Variants in EPM2A observed in about 807,000 individuals in gnomAD.
The protein encoded by EPM2A is EPM2A glucan phosphatase, laforin, also known as laforin.
EPM2A carries 21 observed loss-of-function variants against 26.5 expected under a neutral mutation model. The ratio of observed to expected loss-of-function variants is 0.79; its 90% confidence interval spans 0.56 to 1.14. EPM2A has a LOEUF of 1.14. EPM2A is among the 50% of genes most tolerant of loss of function. The pLI, the probability that EPM2A is intolerant of heterozygous loss-of-function variation, is 0.00. For synonymous variants in EPM2A, 217 were observed against 177.6 expected, an observed-to-expected ratio of 1.22 and a Z score of -1.76; for missense variants, 458 against 440.8, an observed-to-expected ratio of 1.04 and a Z score of -0.35.
intron 4 of EPM2A, among the ~76,000 whole-genome samples, chr6:145,439,299 G>T (rs574441204): frequency 2.6e-5 from 4 of 152,248 alleles, no homozygotes; most frequent in African/African-American, 9.6e-5. Flanking sequence ...TATGGAAGAA[G>T]AATTTATATC....
chr6:145,608,071 T>C (rs1775304342), intron 2 of EPM2A, among the ~76,000 whole-genome samples: 2 of 152,206 alleles, frequency 1.3e-5, no homozygotes, highest in South Asian at 4.1e-4. Context: ...TAATCATCTA[T>C]GGTCCCAAAA....
At chr6:145,483,766 G>T (rs1236309776) in intron 4 of EPM2A, among the ~76,000 whole-genome samples, 1 of 152,088 alleles carries the variant, frequency 6.6e-6, no homozygotes, top group Non-Finnish European at 1.5e-5. Context: ...TCTTTGTTTT[G>T]TACCCAATTT....
Position 145,680,642 on chromosome 6 carries a change from T to C in EPM2A, c.476+5480A>G, listed in dbSNP as rs186714742. Among the ~76,000 whole-genome samples, 771 of 141,700 alleles carry C rather than the reference T, an allele frequency of 5.4e-3. 4 individuals are homozygous for C. Among genetic ancestry groups the C allele is most frequent in the African/African-American group, 0.019 (751 of 39,880 alleles). 93.0% of individuals were successfully genotyped at this position (141,700 alleles called of 152,430 possible). ...CACCTATGAGTGAGAACATGTGGTGTTTGGTTTTTTGTCCTTGTGATACTT... is the reference window on the plus strand; with the variant it reads ...CACCTATGAGTGAGAACATGTGGTGCTTGGTTTTTTGTCCTTGTGATACTT... On this transcript the variant is annotated intron_variant, in intron 2 of 3. Coordinates refer to ENST00000367519, the MANE Select transcript of EPM2A (RefSeq NM_005670.4).
chr6:145,536,431 C>T (rs1310100268), intron 2 of EPM2A, among the ~76,000 whole-genome samples: 1 of 151,894 alleles, frequency 6.6e-6, no homozygotes, highest in African/African-American at 2.4e-5. Context: ...GAGTAGCTGG[C>T]ATTACAGGCC....
At position 145,585,889 on chromosome 6, in the gene EPM2A, C is replaced by T. The variant is rs183106327; in HGVS notation, c.340+49356G>A. Among the ~76,000 whole-genome samples, 31 of 152,296 alleles carry T rather than the reference C, an allele frequency of 2.0e-4. 1 individual carries two copies. Among genetic ancestry groups the T allele is most frequent in the African/African-American group, 6.0e-4 (25 of 41,542 alleles). On this transcript the variant is annotated intron_variant, in intron 2 of 3. Coordinates refer to the EPM2A transcript ENST00000450221. ...TTGTTCCCGACGCAAAACCCTTCTA[C>T]GTATTTATCCAATTTTTCATGAATT...
intron 2 of EPM2A, among the ~76,000 whole-genome samples, chr6:145,511,438 G>A (rs911587658): frequency 6.6e-6 from 1 of 152,146 alleles, no homozygotes; most frequent in Admixed American, 6.5e-5. Context: ...TGGGGTGCAA[G>A]GATGATTCAA....
At chr6:145,551,543 A>C (rs1328973450) in intron 2 of EPM2A, among the ~76,000 whole-genome samples, 4 of 152,122 alleles carry the variant, frequency 2.6e-5, no homozygotes, top group Admixed American at 6.6e-5. Context: ...TACTCTGAGG[A>C]TCTGAGACCT....
At chr6:145,387,343 C>A (rs1319574757) in intron 4 of EPM2A, among the ~76,000 whole-genome samples, 3 of 152,180 alleles carry the variant, frequency 2.0e-5, no homozygotes, top group Admixed American at 2.0e-4. Flanking sequence ...CTTCTTCAGA[C>A]ATCCTCAACA....
intron 2 of EPM2A, among the ~76,000 whole-genome samples, chr6:145,534,516 A>G (rs1202407137): frequency 1.3e-5 from 2 of 152,222 alleles, no homozygotes; most frequent in African/African-American, 2.4e-5. Flanking sequence ...TAAATCAGGA[A>G]CACAAAGCCT....
intron 2 of EPM2A, among the ~76,000 whole-genome samples, chr6:145,649,527 T>A (rs1777724837): frequency 6.6e-6 from 1 of 152,170 alleles, no homozygotes; most frequent in Non-Finnish European, 1.5e-5. Flanking sequence ...ACGTCAAAAA[T>A]ATGTTTGACC....
chr6:145,428,750 A>AAG (rs1186255038), intron 4 of EPM2A, among the ~76,000 whole-genome samples: 1 of 152,320 alleles, frequency 6.6e-6, no homozygotes, highest in Non-Finnish European at 1.5e-5. Context: ...GATACTGCAG[A>AAG]AGACCTTAAC....
chr6:145,441,264 A>G (rs6939557), intron 4 of EPM2A, among the ~76,000 whole-genome samples: 111,239 of 152,096 alleles, frequency 0.73, 41,804 homozygotes, highest in East Asian at 0.9. Flanking sequence ...AGTCATGGCT[A>G]CAGCAGCTGG....
intron 2 of EPM2A, chr6:145,671,039 A>T (rs1341441226): frequency 1.4e-5 from 14 of 985,182 alleles, no homozygotes; most frequent in Non-Finnish European, 1.7e-5. Context: ...TGCTAATTGA[A>T]ATTAGTGTCT....
chr6:145,693,760 T>C (rs992747959), intron 1 of EPM2A, among the ~76,000 whole-genome samples: 3 of 152,052 alleles, frequency 2.0e-5, no homozygotes, highest in Non-Finnish European at 2.9e-5. Context: ...GATAAACTAA[T>C]CTGTATTTTT....
intron 1 of EPM2A, among the ~76,000 whole-genome samples, chr6:145,694,820 CACAA>C (rs968585030): frequency 2.6e-5 from 4 of 151,954 alleles, no homozygotes; most frequent in South Asian, 2.1e-4. Context: ...CTACCACATT[CACAA>C]ACAGATTTCT....
At chr6:145,523,742 G>T (rs1780233958) in intron 2 of EPM2A, among the ~76,000 whole-genome samples, 1 of 152,134 alleles carries the variant, frequency 6.6e-6, no homozygotes, top group Non-Finnish European at 1.5e-5. Flanking sequence ...TCAAGTGAAA[G>T]AAAGAGTCCC....
At position 145,626,663 on chromosome 6, in the gene EPM2A, T is replaced by G; in HGVS notation, c.*753A>C. On this transcript the variant is annotated 3_prime_UTR_variant, in exon 4 of 4. Transcript: ENST00000367519. Reference sequence around the variant, plus strand: ...TTATTAACTCCAGCTTGCCCTTGACTGGTCATGAGACCTTGGACAAGCTAC... The same window carrying G: ...TTATTAACTCCAGCTTGCCCTTGACGGGTCATGAGACCTTGGACAAGCTAC... 1 of 978,662 alleles carries G rather than the reference T, an allele frequency of 1.0e-6. No homozygotes were observed. Among genetic ancestry groups the G allele is most frequent in the African/African-American group, 1.7e-5 (1 of 57,240 alleles). The allele number at this position is 978,662 out of a possible 1,614,324, so 60.6% of individuals were successfully genotyped here.
chr6:145,526,235 G>A (rs1780271163), intron 2 of EPM2A, among the ~76,000 whole-genome samples: 1 of 152,048 alleles, frequency 6.6e-6, no homozygotes, highest in Non-Finnish European at 1.5e-5. Context: ...GTTCACCAGG[G>A]ATATTGGCTG....
Position 145,490,446 on chromosome 6 carries a change from A to G in EPM2A, c.555+12076T>C, listed in dbSNP as rs1055667986. ...ATCTTTCATGACAATTTGGACATTC[A>G]AAAGGTTTTTCACCTGTATGTTTTC... On this transcript the variant is annotated intron_variant, in intron 4 of 4. Transcript: ENST00000638717. The G allele has an allele frequency of 4.5e-5, 33 of 740,920 alleles. 1 individual carries two copies. The highest frequency in any genetic ancestry group is 4.2e-4 in the South Asian group (29 of 68,912). The allele number at this position is 740,920 out of a possible 1,614,324, so 45.9% of individuals were successfully genotyped here.
Sources: gnomAD v4.1 joint callset for allele counts (sites outside exome capture counted in the v4.1 genomes callset) on GRCh38, gnomAD v4.1.1 for gene constraint, MANE v1.5 for transcripts, NCBI Gene and HGNC (gene_info 2026-07-23, HGNC 2026-07-21) for gene names.